Variants in RAB22A observed in about 807,000 individuals in gnomAD.
RAB22A encodes the protein RAB22A, member RAS oncogene family, also known as ras-related protein Rab-22A.
In RAB22A, 13 loss-of-function variants were observed where a neutral mutation model predicts 30.2. That is an observed-to-expected ratio of 0.43 (90% CI 0.28 to 0.68). The LOEUF (loss-of-function observed/expected upper bound fraction) is 0.68, where lower values mean the gene tolerates loss of function less well. RAB22A is among the 30% of genes least tolerant of loss of function. The probability of loss-of-function intolerance (pLI) is 0.18; values close to 1 mark genes in which losing one functional copy is unlikely to be tolerated. For synonymous variants in RAB22A, 89 were observed against 87.2 expected (o/e 1.02, Z -0.11); for missense variants, 177 against 246.8 (o/e 0.72, Z 1.89).
chr20:58,340,443 C>T (rs1343765527), intron 2 of RAB22A, among the ~76,000 whole-genome samples: 3 of 152,170 alleles, frequency 2.0e-5, no homozygotes, highest in African/African-American at 4.8e-5. Flanking sequence ...CTAATCTCAA[C>T]GTTTTACCTG....
intron 2 of RAB22A, among the ~76,000 whole-genome samples, chr20:58,336,014 G>C (rs2079088901): frequency 6.6e-6 from 1 of 151,964 alleles, no homozygotes; most frequent in African/African-American, 2.4e-5. Flanking sequence ...TTGTTTGTTT[G>C]TTTGTTTGTT....
At chr20:58,314,463 C>G (rs1336935805) in intron 2 of RAB22A, among the ~76,000 whole-genome samples, 1 of 152,228 alleles carries the variant, frequency 6.6e-6, no homozygotes, top group Non-Finnish European at 1.5e-5. Flanking sequence ...GTGGGGATAA[C>G]TGACTCCTAC....
chr20:58,335,349 C>A (rs550558362), intron 2 of RAB22A, among the ~76,000 whole-genome samples: 1 of 152,268 alleles, frequency 6.6e-6, no homozygotes, highest in South Asian at 2.1e-4. Context: ...ATTAAAAATT[C>A]TCCAAGGTTG....
intron 2 of RAB22A, among the ~76,000 whole-genome samples, chr20:58,340,420 G>A (rs191403379): frequency 2.8e-4 from 43 of 152,292 alleles, no homozygotes; most frequent in East Asian, 3.9e-4. Context: ...AGGTTGCAGA[G>A]CCCAGGTCTG....
chr20:58,358,557 G>T (rs1568683211), intron 6 of RAB22A, among the ~76,000 whole-genome samples: 1 of 152,140 alleles, frequency 6.6e-6, no homozygotes, highest in African/African-American at 2.4e-5. Flanking sequence ...ATGGTTAAAT[G>T]AATGGTGGTA....
intron 3 of RAB22A, 42 bp from the exon 4 acceptor site, chr20:58,353,231 C>T (rs111775428): frequency 0.012 from 17,897 of 1,535,646 alleles, 132 homozygotes; most frequent in Non-Finnish European, 0.014. Flanking sequence ...ACATATTTAA[C>T]CAGTTTTCCC....
chr20:58,357,364 C>CT (rs1255316155), intron 6 of RAB22A, among the ~76,000 whole-genome samples: 11 of 152,198 alleles, frequency 7.2e-5, no homozygotes, highest in Non-Finnish European at 1.5e-4. Context: ...AGATGAGTCA[C>CT]TTATTGACTA....
intron 2 of RAB22A, among the ~76,000 whole-genome samples, chr20:58,322,806 G>T (rs578068081): frequency 4.8e-5 from 7 of 145,494 alleles, no homozygotes; most frequent in African/African-American, 1.8e-4. Flanking sequence ...TGCATTAAAT[G>T]ACCTTTCAAA....
chr20:58,311,967 T>C (rs1226720082), intron 2 of RAB22A, among the ~76,000 whole-genome samples: 1 of 152,178 alleles, frequency 6.6e-6, no homozygotes, highest in African/African-American at 2.4e-5. Context: ...ATTTATGGAT[T>C]TTTTTGAGAC....
At chr20:58,351,604 G>A (rs1469090592) in intron 3 of RAB22A, among the ~76,000 whole-genome samples, 3 of 152,112 alleles carry the variant, frequency 2.0e-5, no homozygotes, top group South Asian at 2.1e-4. Context: ...ACCTGAAGTC[G>A]GGATTTCAAG....
chr20:58,339,104 G>A (rs1461500560), intron 2 of RAB22A, among the ~76,000 whole-genome samples: 1 of 152,194 alleles, frequency 6.6e-6, no homozygotes, highest in Admixed American at 6.5e-5. Flanking sequence ...AAAATACCTT[G>A]CAACAAGTTT....
intron 3 of RAB22A, among the ~76,000 whole-genome samples, chr20:58,350,491 C>T (rs542401947): frequency 6.6e-5 from 10 of 152,206 alleles, no homozygotes; most frequent in African/African-American, 2.2e-4. Context: ...CTAGGTAAGT[C>T]GTAGTCAAAC....
chr20:58,349,230 C>G (rs1010366125), intron 3 of RAB22A, among the ~76,000 whole-genome samples: 1 of 152,198 alleles, frequency 6.6e-6, no homozygotes, highest in East Asian at 1.9e-4. Flanking sequence ...TGCAGAGCAA[C>G]CAAATGCAGT....
intron 2 of RAB22A, among the ~76,000 whole-genome samples, chr20:58,343,040 G>A (rs566692546): frequency 1.3e-5 from 2 of 152,156 alleles, no homozygotes; most frequent in Admixed American, 6.5e-5. Flanking sequence ...GAAAGTGAGC[G>A]GTGTGACCTG....
chr20:58,321,455 G>T (rs1406359733), intron 2 of RAB22A, among the ~76,000 whole-genome samples: 2 of 152,106 alleles, frequency 1.3e-5, no homozygotes. Flanking sequence ...CTAAGATGTG[G>T]TCTGTCTTTG....
intron 2 of RAB22A, among the ~76,000 whole-genome samples, chr20:58,340,752 T>G (rs1367397549): frequency 6.6e-6 from 1 of 152,154 alleles, no homozygotes; most frequent in Non-Finnish European, 1.5e-5. Flanking sequence ...TGAAAGCTGC[T>G]CTAAAGACAA....
chr20:58,338,953 A>C (rs910485265), intron 2 of RAB22A, among the ~76,000 whole-genome samples: 1 of 152,256 alleles, frequency 6.6e-6, no homozygotes, highest in African/African-American at 2.4e-5. Context: ...ACTATATGCC[A>C]TTATGGGGAT....
chr20:58,333,408 G>A (rs74678236), intron 2 of RAB22A, among the ~76,000 whole-genome samples: 2,415 of 152,182 alleles, frequency 0.016, 27 homozygotes, highest in Non-Finnish European at 0.02. Flanking sequence ...AAGGTGAATG[G>A]AGACATTTTC....
chr20:58,325,451 T>G (rs751815633), intron 2 of RAB22A, among the ~76,000 whole-genome samples: 2 of 152,080 alleles, frequency 1.3e-5, no homozygotes, highest in Non-Finnish European at 2.9e-5. Flanking sequence ...CACTGCAGCC[T>G]GGGTGAGAGA....
Sources: gnomAD v4.1 joint callset for allele counts (sites outside exome capture counted in the v4.1 genomes callset) on GRCh38, gnomAD v4.1.1 for gene constraint, MANE v1.5 for transcripts, NCBI Gene and HGNC (gene_info 2026-07-23, HGNC 2026-07-21) for gene names.